MALRD1: variants seen among roughly 807,000 people sequenced by gnomAD.
MALRD1 encodes the protein MAM and LDL-receptor class A domain-containing protein 1.
Under a neutral mutation model 242.1 loss-of-function variants are expected in MALRD1, and 247 were observed. That is an observed-to-expected ratio of 1.02 (90% CI 0.92 to 1.13). The LOEUF (loss-of-function observed/expected upper bound fraction) is 1.13. Ranked by LOEUF, MALRD1 falls within the 50% of genes most tolerant of loss-of-function variation. The pLI is 0.00. For missense variants in MALRD1, 2,989 were observed against 2,533.1 expected (o/e 1.18, Z -3.86); for synonymous variants, 995 against 866.6 (o/e 1.15, Z -2.60).
chr10:19,532,722 A>G (rs6481966), intron 32 of MALRD1, among the ~76,000 whole-genome samples: 105,803 of 150,244 alleles, frequency 0.7, 40,187 homozygotes, highest in Non-Finnish European at 0.84. Flanking sequence ...ACATGCAAAG[A>G]AAGTTGAGAA....
At chr10:19,482,547 C>T (rs145971178) in intron 29 of MALRD1, among the ~76,000 whole-genome samples, 323 of 151,726 alleles carry the variant, frequency 2.1e-3, no homozygotes, top group African/African-American at 7.0e-3. Context: ...CCAGAAGGCC[C>T]CTGTAACTGA....
At chr10:19,405,929 G>T (rs533297583) in intron 28 of MALRD1, among the ~76,000 whole-genome samples, 1 of 152,102 alleles carries the variant, frequency 6.6e-6, no homozygotes, top group South Asian at 2.1e-4. Context: ...GAAGTATGAG[G>T]TGTTTAGCCA....
At chr10:19,198,773 A>G (rs1280606061) in intron 14 of MALRD1, among the ~76,000 whole-genome samples, 1 of 152,196 alleles carries the variant, frequency 6.6e-6, no homozygotes, top group Non-Finnish European at 1.5e-5. Flanking sequence ...ATGTATTGGC[A>G]TTTTTAAAAG....
chr10:19,297,129 G>C (rs1440670323), intron 21 of MALRD1, among the ~76,000 whole-genome samples: 1 of 150,300 alleles, frequency 6.7e-6, no homozygotes, highest in Non-Finnish European at 1.5e-5. Context: ...GTATCTTTTA[G>C]TTTATTATAT....
chr10:19,506,169 G>A (rs1401473868), intron 31 of MALRD1, among the ~76,000 whole-genome samples: 2 of 152,166 alleles, frequency 1.3e-5, no homozygotes, highest in Non-Finnish European at 2.9e-5. Flanking sequence ...AGTCTGTTGG[G>A]AAAACAGTTC....
At chr10:19,120,404 T>C (rs1837020388) in intron 5 of MALRD1, among the ~76,000 whole-genome samples, 1 of 152,208 alleles carries the variant, frequency 6.6e-6, no homozygotes, top group Non-Finnish European at 1.5e-5. Context: ...AATCTTGATA[T>C]ATGCAGTTTC....
At chr10:19,226,911 A>C (rs968712703) in intron 18 of MALRD1, among the ~76,000 whole-genome samples, 4 of 152,202 alleles carry the variant, frequency 2.6e-5, no homozygotes, top group Non-Finnish European at 2.9e-5. Flanking sequence ...TAAGCAATTT[A>C]ACTTATAATA....
At chr10:19,182,981 G>A (rs571626501) in intron 14 of MALRD1, among the ~76,000 whole-genome samples, 121 of 151,164 alleles carry the variant, frequency 8.0e-4, no homozygotes, top group African/African-American at 2.7e-3. Flanking sequence ...TGCTTTTCGG[G>A]GACTTAAAAG....
intron 31 of MALRD1, among the ~76,000 whole-genome samples, chr10:19,506,623 T>C (rs1833156731): frequency 6.6e-6 from 1 of 152,176 alleles, no homozygotes; most frequent in Non-Finnish European, 1.5e-5. Context: ...TATATTCTAA[T>C]TCAAATGTGC....
intron 1 of MALRD1, among the ~76,000 whole-genome samples, chr10:19,053,230 A>G: frequency 6.6e-6 from 1 of 152,198 alleles, no homozygotes; most frequent in Non-Finnish European, 1.5e-5. Flanking sequence ...GACACTTGTA[A>G]GCACACGTGA....
rs1298253483 is a variant in MALRD1 at position 19,266,542 on chromosome 10, T to C, written c.3079+8771T>C. On this transcript the variant is annotated intron_variant, in intron 19 of 39. Transcript: ENST00000454679. Reference sequence around the variant, plus strand: ...TGTTTTTAATTTCACAATTTACATCTTTTTATATTTATAATATTTAAAAAT... The same window carrying C: ...TGTTTTTAATTTCACAATTTACATCCTTTTATATTTATAATATTTAAAAAT... 2.0e-5 allele frequency among the ~76,000 whole-genome samples: 3 copies of C among 151,814 alleles called. No homozygotes were observed. In the East Asian group the frequency reaches 5.8e-4, roughly 29 times the overall value.
chr10:19,593,065 A>G (rs3864839), intron 33 of MALRD1, among the ~76,000 whole-genome samples: 77,371 of 151,756 alleles, frequency 0.51, 19,838 homozygotes, highest in Non-Finnish European at 0.53. Flanking sequence ...TGGAAAGATT[A>G]CAGAGAAACT....
Position 19,204,935 on chromosome 10 carries a change from C to G in MALRD1, c.2248C>G (p.Leu750Val). 3 of 1,550,092 alleles carry G rather than the reference C, an allele frequency of 1.9e-6. No homozygotes were observed. Among genetic ancestry groups the G allele is most frequent in the Non-Finnish European group, 1.7e-6 (2 of 1,146,586 alleles). ...NYGLSVGAAE[L>V]QLHMENSHDS... ...TGGCCTGTCAGTGGGAGCAGCTGAGCTGCAGCTACATATGGAAAATTCTCA... is the reference window on the plus strand; with the variant it reads ...TGGCCTGTCAGTGGGAGCAGCTGAGGTGCAGCTACATATGGAAAATTCTCA... The change falls in exon 17 of 40, where the codon CTG (leucine) becomes GTG (valine). Residue 750 changes from leucine to valine, a missense_variant. Transcript: ENST00000454679.
intron 5 of MALRD1, among the ~76,000 whole-genome samples, chr10:19,110,198 C>G (rs944544205): frequency 2.0e-5 from 3 of 152,098 alleles, no homozygotes; most frequent in African/African-American, 4.8e-5. Flanking sequence ...TTAAGCGTCT[C>G]TAGTCAGTTG....
intron 8 of MALRD1, among the ~76,000 whole-genome samples, chr10:19,133,065 A>G (rs1833177991): frequency 6.6e-6 from 1 of 152,062 alleles, no homozygotes; most frequent in African/African-American, 2.4e-5. Flanking sequence ...CAGCCTCCTG[A>G]GTAGCTGGGA....
chr10:19,526,076 C>T (rs1360550118), intron 31 of MALRD1, among the ~76,000 whole-genome samples: 1 of 151,688 alleles, frequency 6.6e-6, no homozygotes, highest in East Asian at 1.9e-4. Flanking sequence ...TTATTATCTG[C>T]TTTAATATAT....
intron 24 of MALRD1, among the ~76,000 whole-genome samples, chr10:19,339,322 A>C (rs1005404502): frequency 2.0e-5 from 3 of 152,132 alleles, no homozygotes; most frequent in African/African-American, 4.8e-5. Flanking sequence ...CTAGCTGCTC[A>C]GTTCTTTCCT....
chr10:19,458,803 C>T (rs1835791431), intron 29 of MALRD1, among the ~76,000 whole-genome samples: 1 of 151,984 alleles, frequency 6.6e-6, no homozygotes. Context: ...CCTTATATCC[C>T]AGATAGTATA....
At chr10:19,350,517 T>C (rs1844328769) in intron 25 of MALRD1, among the ~76,000 whole-genome samples, 2 of 151,998 alleles carry the variant, frequency 1.3e-5, no homozygotes, top group Non-Finnish European at 2.9e-5. Context: ...CCTCAGGTGA[T>C]CCACCTACCT....
Sources: gnomAD v4.1 joint callset for allele counts (sites outside exome capture counted in the v4.1 genomes callset) on GRCh38, gnomAD v4.1.1 for gene constraint, MANE v1.5 for transcripts, NCBI Gene and HGNC (gene_info 2026-07-23, HGNC 2026-07-21) for gene names.